The following MYT1L variants were observed in gnomAD, a reference collection of about 807,000 sequenced individuals.
The protein encoded by MYT1L is myelin transcription factor 1 like.
In MYT1L, 12 loss-of-function variants were observed where a neutral mutation model predicts 126.7. That is an observed-to-expected ratio of 0.09 (90% CI 0.06 to 0.15). The LOEUF (loss-of-function observed/expected upper bound fraction) is 0.15, where lower values mean the gene tolerates loss of function less well. Among genes scored for constraint, MYT1L ranks in the 10% least tolerant of loss-of-function variants. MYT1L has a pLI of 1.00. For missense variants in MYT1L, 979 were observed against 1,585.2 expected, an observed-to-expected ratio of 0.62 and a Z score of 6.49; for synonymous variants, 541 against 604.2, an observed-to-expected ratio of 0.90 and a Z score of 1.53.
Position 1,956,404 on chromosome 2 carries a change from GTCTATCTA to G in MYT1L, c.153-13078_153-13071del, listed in dbSNP as rs372440974. ...TATTTCCTATTCTTTCTATCTGTCT[GTCTATCTA>G]TCTATCTATCTATCTATCTATCTAT... On this transcript the variant is annotated intron_variant, in intron 8 of 24. Transcript: ENST00000647738. Among the ~76,000 whole-genome samples, 87 of 81,698 alleles carry G rather than the reference GTCTATCTA, an allele frequency of 1.1e-3. 5 individuals carry two copies. Among genetic ancestry groups the G allele is most frequent in the South Asian group, 7.3e-3 (20 of 2,742 alleles). 53.6% of individuals were successfully genotyped at this position (81,698 alleles called of 152,430 possible).
In MYT1L at chr2:1,911,964, A is replaced by G. The variant is rs1210578551; in HGVS notation, c.1709+56T>C. 4 of 1,359,670 alleles carry G rather than the reference A, an allele frequency of 2.9e-6. No individual in the cohort carries two copies. In the African/African-American group the frequency reaches 5.8e-5, roughly 20 times the overall value. The allele number at this position is 1,359,670 out of a possible 1,614,324, so 84.2% of individuals were successfully genotyped here. A position where few individuals can be genotyped will look rare whatever the true frequency, so the allele number is the denominator to read the frequency against. On this transcript the variant is annotated intron_variant, in intron 12 of 24. Coordinates refer to ENST00000647738, the MANE Select transcript of MYT1L (RefSeq NM_001303052.2). The stretch of plus-strand genomic sequence containing the variant: ...CGTGGTAGGCCCCCCAGGAAGGAGA[A>G]GGCATGGAGAGCAGCCGGTGCTCCC...
chr2:2,029,104 T>C (rs1441780047), intron 4 of MYT1L, among the ~76,000 whole-genome samples: 1 of 152,208 alleles, frequency 6.6e-6, no homozygotes, highest in Non-Finnish European at 1.5e-5. Flanking sequence ...CAACTCAGAA[T>C]AAAGAATCTG....
intron 3 of MYT1L, among the ~76,000 whole-genome samples, chr2:2,160,180 G>A (rs72769203): frequency 0.045 from 6,923 of 152,202 alleles, 243 homozygotes; most frequent in Non-Finnish European, 0.069. Flanking sequence ...TTTCATCATC[G>A]TGAGTAGCAT....
rs570450508 is a variant in MYT1L, at chr2:1,852,361, C to A, written c.2712-658G>T. 1.3e-5 allele frequency among the ~76,000 whole-genome samples: 2 copies of A among 152,156 alleles called. No individual in the cohort carries two copies. The highest frequency in any genetic ancestry group is 2.9e-5 in the Non-Finnish European group (2 of 68,028). On this transcript the variant is annotated intron_variant, in intron 18 of 24. Transcript: ENST00000647738. This position sits in a 1 kb window ranked among gnomAD's most constrained non-coding sequence, Gnocchi z 4.0. ...AGAACATAAATCAGTTCAGATCCAC[C>A]AGGTCAGTCAGTGGAGAGGCTCTGA...
At chr2:2,193,847 T>C (rs1273989272) in intron 2 of MYT1L, among the ~76,000 whole-genome samples, 1 of 152,114 alleles carries the variant, frequency 6.6e-6, no homozygotes, top group African/African-American at 2.4e-5. Flanking sequence ...TGTATTATTT[T>C]AGAGCTGGAG....
chr2:2,264,214 T>C (rs2095062816), intron 2 of MYT1L, among the ~76,000 whole-genome samples: 3 of 152,128 alleles, frequency 2.0e-5, no homozygotes, highest in Non-Finnish European at 4.4e-5. Context: ...CTCTATCTCA[T>C]GCAAGTCTGA....
chr2:2,210,472 T>C (rs1372561772), intron 2 of MYT1L, among the ~76,000 whole-genome samples: 2 of 152,240 alleles, frequency 1.3e-5, no homozygotes, highest in African/African-American at 4.8e-5. Context: ...CAGCACCATT[T>C]GTTGAAGAGA....
At chr2:1,857,499 A>G (rs999490627) in intron 18 of MYT1L, among the ~76,000 whole-genome samples, 1 of 152,186 alleles carries the variant, frequency 6.6e-6, no homozygotes, top group Non-Finnish European at 1.5e-5. Context: ...AGAGACTTTG[A>G]GTTCTTCTAA....
intron 2 of MYT1L, among the ~76,000 whole-genome samples, chr2:2,264,293 A>T (rs1002131969): frequency 6.6e-6 from 1 of 152,130 alleles, no homozygotes; most frequent in Non-Finnish European, 1.5e-5. Flanking sequence ...CCCAGCGTGG[A>T]ACCCTAAGAG....
chr2:2,306,655 C>A (rs2095863190), intron 1 of MYT1L, among the ~76,000 whole-genome samples: 1 of 152,118 alleles, frequency 6.6e-6, no homozygotes, highest in South Asian at 2.1e-4. Flanking sequence ...CACTGTGAAT[C>A]AGAATGCCTG....
chr2:2,218,535 C>T (rs2093759136), intron 2 of MYT1L, among the ~76,000 whole-genome samples: 2 of 152,086 alleles, frequency 1.3e-5, no homozygotes. Context: ...TGAGAGAAAG[C>T]AGTTCCATGG....
At chr2:2,190,374 G>A (rs757862866) in intron 2 of MYT1L, among the ~76,000 whole-genome samples, 2 of 151,962 alleles carry the variant, frequency 1.3e-5, no homozygotes, top group Non-Finnish European at 2.9e-5. Context: ...AGGATCACTT[G>A]AGCCTGGGAG....
intron 3 of MYT1L, among the ~76,000 whole-genome samples, chr2:2,124,189 C>T (rs2081393774): frequency 6.6e-6 from 1 of 152,202 alleles, no homozygotes; most frequent in South Asian, 2.1e-4. Flanking sequence ...CTGAAGAGGG[C>T]CCTGAAGAAT....
At chr2:1,977,508 C>T (rs2060274585) in intron 8 of MYT1L, among the ~76,000 whole-genome samples, 1 of 152,106 alleles carries the variant, frequency 6.6e-6, no homozygotes, top group Non-Finnish European at 1.5e-5. Flanking sequence ...TATAATTGTA[C>T]CTTTAAAAAT....
chr2:1,798,991 A>G (rs2147881267), intron 23 of MYT1L, among the ~76,000 whole-genome samples: 1 of 152,286 alleles, frequency 6.6e-6, no homozygotes, highest in South Asian at 2.1e-4. Flanking sequence ...CTCTGAGCTC[A>G]GGCCTGGTGC....
Position 1,845,563 on chromosome 2 carries a change from C to T in MYT1L, c.2775-4720G>A, listed in dbSNP as rs1231750137. On this transcript the variant is annotated intron_variant, in intron 19 of 24. Coordinates refer to ENST00000647738, the MANE Select transcript of MYT1L (RefSeq NM_001303052.2). ...CCCAGGGGCCCCTCCCACTCCTGGC[C>T]CTGCTGGTCACGGCCCCATTGCTGC... Among the ~76,000 whole-genome samples the T allele has an allele frequency of 2.0e-5, 3 of 152,144 alleles. No homozygotes were observed. In the East Asian group the frequency reaches 5.8e-4, roughly 29 times the overall value.
At chr2:2,265,686 C>T (rs1270642614) in intron 2 of MYT1L, among the ~76,000 whole-genome samples, 3 of 152,146 alleles carry the variant, frequency 2.0e-5, no homozygotes, top group African/African-American at 7.2e-5. Context: ...CTTTTGGTAA[C>T]ATTTCCTTGT....
chr2:2,003,936 T>A (rs1574409388), intron 4 of MYT1L, among the ~76,000 whole-genome samples: 1 of 152,158 alleles, frequency 6.6e-6, no homozygotes, highest in African/African-American at 2.4e-5. Context: ...CCTTCTTTCC[T>A]GCATGAGTTC....
Position 2,181,201 on chromosome 2 carries a change from C to T in MYT1L, c.-420-8213G>A, listed in dbSNP as rs185324716. 4.2e-5 allele frequency among the ~76,000 whole-genome samples: 6 copies of T among 142,748 alleles called. No homozygotes were observed. The East Asian group carries it at 1.3e-3, about 31-fold the overall frequency. The allele number at this position is 142,748 out of a possible 152,430, so 93.6% of individuals were successfully genotyped here. ...ATCTGTACCTATGATCTATGTGTGC[C>T]GTGTACCTGTGTTTGTGCCTGTGTG... On this transcript the variant is annotated intron_variant, in intron 2 of 24. Transcript: ENST00000647738.
Sources: allele counts gnomAD v4.1 joint callset (sites outside exome capture counted in the v4.1 genomes callset), GRCh38; gene constraint gnomAD v4.1.1; non-coding constraint Gnocchi (gnomAD v3.1); transcripts MANE v1.5; gene names NCBI Gene and HGNC (gene_info 2026-07-23, HGNC 2026-07-21).